Variants in ATP6V0A2 observed in about 807,000 individuals in gnomAD.
ATP6V0A2 encodes ATPase H+ transporting V0 subunit a2, also known as V-type proton ATPase 116 kDa subunit a 2.
Under a neutral mutation model 104.4 loss-of-function variants are expected in ATP6V0A2, and 58 were observed. That is an observed-to-expected ratio of 0.56 (90% CI 0.45 to 0.69). ATP6V0A2 has a LOEUF of 0.69. ATP6V0A2 is among the 30% of genes least tolerant of loss of function. The probability of loss-of-function intolerance (pLI) is 0.00; values close to 1 mark genes in which losing one functional copy is unlikely to be tolerated. For missense variants in ATP6V0A2, 938 were observed against 1,062.9 expected (o/e 0.88, Z 1.63); for synonymous variants, 376 against 397.9 (o/e 0.95, Z 0.65).
chr12:123,746,397 T>C (rs1357326328), intron 13 of ATP6V0A2, among the ~76,000 whole-genome samples: 1 of 152,030 alleles, frequency 6.6e-6, no homozygotes. Context: ...GGCCTCCAAC[T>C]TCTCAGCCCT....
intron 1 of ATP6V0A2, among the ~76,000 whole-genome samples, chr12:123,713,561 A>G (rs1241221470): frequency 6.6e-6 from 1 of 152,092 alleles, no homozygotes; most frequent in African/African-American, 2.4e-5. Flanking sequence ...CGCTATGTTC[A>G]GGCACTGTTT....
intron 13 of ATP6V0A2, 142 bp downstream of exon 13, chr12:123,745,114 TC>T: frequency 6.8e-6 from 6 of 876,908 alleles, no homozygotes; most frequent in Non-Finnish European, 1.1e-5. Flanking sequence ...TGCATCCCAG[TC>T]CCGGACACTG....
chr12:123,750,976 G>A (rs1956708409), intron 15 of ATP6V0A2, 134 bp from the exon 16 acceptor site: 2 of 1,233,854 alleles, frequency 1.6e-6, no homozygotes, highest in African/African-American at 1.5e-5. Flanking sequence ...GCTGGCAAGT[G>A]TAGCTGGCTG....
At chr12:123,726,071 A>G in intron 4 of ATP6V0A2, 126 bp from the exon 5 acceptor site, 2 of 717,368 alleles carry the variant, frequency 2.8e-6, no homozygotes, top group East Asian at 2.7e-5. Context: ...AAGTTACCTC[A>G]GAAGTCTTTG....
chr12:123,739,798 G>A (rs1254824204), intron 9 of ATP6V0A2, among the ~76,000 whole-genome samples: 3 of 152,096 alleles, frequency 2.0e-5, no homozygotes, highest in African/African-American at 7.2e-5. Context: ...TCCCCCTTGA[G>A]TATCTTACAC....
intron 13 of ATP6V0A2, among the ~76,000 whole-genome samples, chr12:123,746,462 G>A (rs1195309825): frequency 6.6e-6 from 1 of 151,680 alleles, no homozygotes; most frequent in African/African-American, 2.4e-5. Flanking sequence ...ATAGTTCAGG[G>A]CTAGGAACTG....
At chr12:123,729,942 G>A (rs976694433) in intron 6 of ATP6V0A2, among the ~76,000 whole-genome samples, 4 of 151,240 alleles carry the variant, frequency 2.6e-5, no homozygotes, top group African/African-American at 9.7e-5. Flanking sequence ...AGCCTCCCGA[G>A]TAGCTGGGAC....
At chr12:123,733,892 A>G (rs1375326582) in intron 6 of ATP6V0A2, 34 bp from the exon 7 acceptor site, 2 of 1,523,796 alleles carry the variant, frequency 1.3e-6, no homozygotes, top group Non-Finnish European at 1.8e-6. Flanking sequence ...TTATACACGC[A>G]GAAATAACAC....
intron 14 of ATP6V0A2, 88 bp downstream of exon 14, chr12:123,747,813 G>A: frequency 1.2e-6 from 1 of 828,150 alleles, no homozygotes; most frequent in Non-Finnish European, 2.1e-6. Context: ...TGTATTTATT[G>A]GGTAAGGGGC....
chr12:123,726,244 G>A lies in ATP6V0A2; in HGVS notation c.480G>A (p.Leu160=). ...EEFPSLESDS[L]LDYSCMQRLG... is the part of the protein sequence containing the mutation. ...TCCCTTCCTTAGAGAGTGATTCTTT[G>A]TTGGATTACAGCTGTATGCAGAGGC... The change falls in exon 5 of 20, where the codon TTG becomes TTA. Residue 160 remains leucine (L), a synonymous_variant. Coordinates refer to ENST00000330342, the MANE Select transcript of ATP6V0A2 (RefSeq NM_012463.4). 6.2e-7 allele frequency: 1 copy of A among 1,613,878 alleles called. No homozygotes were observed. Among genetic ancestry groups the A allele is most frequent in the Non-Finnish European group, 8.5e-7 (1 of 1,179,764 alleles).
At chr12:123,740,865 T>C (rs1473532739) in intron 9 of ATP6V0A2, among the ~76,000 whole-genome samples, 1 of 152,168 alleles carries the variant, frequency 6.6e-6, no homozygotes, top group Non-Finnish European at 1.5e-5. Flanking sequence ...AATTTCTTTC[T>C]TTTTTTCCTA....
chr12:123,726,967 G>A (rs1469490622), intron 5 of ATP6V0A2, among the ~76,000 whole-genome samples: 1 of 152,190 alleles, frequency 6.6e-6, no homozygotes, highest in African/African-American at 2.4e-5. Flanking sequence ...ATTTTAACCT[G>A]TGGTTATAAA....
At chr12:123,736,636 A>G (rs543678036) in intron 8 of ATP6V0A2, among the ~76,000 whole-genome samples, 18 of 152,200 alleles carry the variant, frequency 1.2e-4, no homozygotes, top group Non-Finnish European at 2.2e-4. Flanking sequence ...TGACTCAGTT[A>G]AGCGAGAGGA....
intron 18 of ATP6V0A2, among the ~76,000 whole-genome samples, chr12:123,755,233 A>G (rs895153814): frequency 2.0e-5 from 3 of 152,180 alleles, no homozygotes; most frequent in Admixed American, 6.6e-5. Flanking sequence ...AAGTGGGTTC[A>G]GACGTAGAAA....
intron 18 of ATP6V0A2, chr12:123,756,490 A>G: frequency 3.2e-6 from 1 of 311,566 alleles, no homozygotes; most frequent in Non-Finnish European, 6.0e-6. Context: ...CCTCAGTGGC[A>G]GAACCAGGCC....
At chr12:123,738,018 C>T (rs1374480712) in intron 9 of ATP6V0A2, among the ~76,000 whole-genome samples, 3 of 152,150 alleles carry the variant, frequency 2.0e-5, no homozygotes, top group African/African-American at 7.2e-5. Flanking sequence ...AGGGTAAATT[C>T]CCAGAAATGG....
chr12:123,713,002 A>C (rs1956307602), intron 1 of ATP6V0A2, among the ~76,000 whole-genome samples: 2 of 152,088 alleles, frequency 1.3e-5, no homozygotes, highest in Admixed American at 1.3e-4. Context: ...TCCTTTTGGA[A>C]CTTTACGGGG....
chr12:123,738,603 G>T (rs1956579611), intron 9 of ATP6V0A2, among the ~76,000 whole-genome samples: 1 of 152,066 alleles, frequency 6.6e-6, no homozygotes, highest in African/African-American at 2.4e-5. Flanking sequence ...GTTTGTTTTG[G>T]CCATGCAGAA....
At chr12:123,720,848 TAGTG>T (rs1232063436) in intron 2 of ATP6V0A2, among the ~76,000 whole-genome samples, 1 of 152,036 alleles carries the variant, frequency 6.6e-6, no homozygotes, top group East Asian at 1.9e-4. Flanking sequence ...GTGGGCAACA[TAGTG>T]AGACCCCTGT....
Sources: allele counts gnomAD v4.1 joint callset (sites outside exome capture counted in the v4.1 genomes callset), GRCh38; gene constraint gnomAD v4.1.1; transcripts MANE v1.5; gene names NCBI Gene and HGNC (gene_info 2026-07-23, HGNC 2026-07-21).